The following RPRD2 variants were observed in gnomAD, a reference collection of about 807,000 sequenced individuals.
The protein encoded by RPRD2 is regulation of nuclear pre-mRNA domain containing 2, also known as regulation of nuclear pre-mRNA domain-containing protein 2.
In RPRD2, 12 loss-of-function variants were observed where a neutral mutation model predicts 104.4. The ratio of observed to expected loss-of-function variants is 0.11; its 90% confidence interval spans 0.07 to 0.19. The LOEUF (loss-of-function observed/expected upper bound fraction) is 0.19. RPRD2 is among the 10% of genes least tolerant of loss of function. RPRD2 has a pLI of 1.00. For synonymous variants in RPRD2, 714 were observed against 684.9 expected (o/e 1.04, Z -0.66); for missense variants, 1,543 against 1,790.1 (o/e 0.86, Z 2.49).
chr1:150,468,044 C>G (rs1448396060), intron 10 of RPRD2, among the ~76,000 whole-genome samples: 1 of 151,946 alleles, frequency 6.6e-6, no homozygotes, highest in African/African-American at 2.4e-5. Flanking sequence ...CAGCTGTAAC[C>G]CCAACTACTT....
chr1:150,377,208 C>CAGAAAAAA (rs1660766553), intron 1 of RPRD2, among the ~76,000 whole-genome samples: 2 of 150,576 alleles, frequency 1.3e-5, no homozygotes, highest in South Asian at 4.2e-4. Context: ...AGACTATCTC[C>CAGAAAAAA]AGAAAAAAAA....
Position 150,364,616 on chromosome 1 carries a change from T to A in RPRD2, c.-99T>A. 5 of 630,818 alleles carry A rather than the reference T, an allele frequency of 7.9e-6. No individual in the cohort carries two copies. The highest frequency in any genetic ancestry group is 1.9e-5 in the African/African-American group (1 of 53,912). 39.1% of individuals were successfully genotyped at this position (630,818 alleles called of 1,614,324 possible). A position where few individuals can be genotyped will look rare whatever the true frequency, so the allele number is the denominator to read the frequency against. On this transcript the variant is annotated 5_prime_UTR_variant, in exon 1 of 11. Transcript: ENST00000369068. ...CCACCCCCTAGCTTCCCTCCCCACC[T>A]ACGGCTTTCACGCACTCGCAGTGAT...
At chr1:150,435,196 G>A (rs782786781) in intron 2 of RPRD2, among the ~76,000 whole-genome samples, 5 of 152,086 alleles carry the variant, frequency 3.3e-5, no homozygotes, top group African/African-American at 4.8e-5. Flanking sequence ...GATAAATGTC[G>A]TGTGTTTTCT....
In RPRD2 at chr1:150,364,738, C is replaced by A. The variant is rs1297373082; in HGVS notation, c.24C>A (p.Gly8=). 5.7e-6 allele frequency: 9 copies of A among 1,585,608 alleles called. No individual in the cohort carries two copies. Among genetic ancestry groups the A allele is most frequent in the Non-Finnish European group, 6.0e-6 (7 of 1,165,862 alleles). Residue 8 remains glycine, a synonymous_variant, in exon 1 of 11, where the codon GGC becomes GGA. Transcript: ENST00000369068. The part of the protein sequence containing the change: MAAGGGG[G]SSKASSSSAS... ...AGATGGCGGCCGGCGGCGGCGGAGG[C>A]AGCAGTAAGGCCTCCTCCTCGTCGG...
intron 1 of RPRD2, among the ~76,000 whole-genome samples, chr1:150,388,384 G>GTA (rs1560159377): frequency 6.9e-6 from 1 of 145,560 alleles, no homozygotes; most frequent in African/African-American, 2.6e-5. Context: ...ACATATACAC[G>GTA]TATACACATG....
intron 7 of RPRD2, among the ~76,000 whole-genome samples, chr1:150,453,264 C>G (rs1391065563): frequency 6.6e-6 from 1 of 152,048 alleles, no homozygotes; most frequent in Non-Finnish European, 1.5e-5. Flanking sequence ...AACTCCTGAC[C>G]TCATGATCTG....
rs587691250 is a variant in RPRD2, at chr1:150,428,322, G to A, written c.335+10597G>A. 2.1e-4 allele frequency among the ~76,000 whole-genome samples: 32 copies of A among 151,706 alleles called. No homozygotes were observed. The South Asian group carries it at 5.6e-3, about 27-fold the overall frequency. On this transcript the variant is annotated intron_variant, in intron 2 of 10. Coordinates refer to ENST00000369068, the MANE Select transcript of RPRD2 (RefSeq NM_015203.5). The stretch of plus-strand genomic sequence containing the variant: ...CAAAAAATTAGCTGGGTGTGGTGGC[G>A]GGCGCCTGTAATCCCAGCTACTCGG...
At chr1:150,365,186 G>A (rs587769954) in intron 1 of RPRD2, among the ~76,000 whole-genome samples, 1 of 152,284 alleles carries the variant, frequency 6.6e-6, no homozygotes, top group Admixed American at 6.5e-5. Context: ...TACGTATATT[G>A]TTTTTAATAT....
At chr1:150,462,805 T>A (rs1178663959) in intron 9 of RPRD2, among the ~76,000 whole-genome samples, 2 of 152,182 alleles carry the variant, frequency 1.3e-5, no homozygotes, top group Admixed American at 1.3e-4. Context: ...TCTGCTCGCG[T>A]TGGCCTCCCA....
At chr1:150,449,776 A>G (rs1209338159) in intron 7 of RPRD2, among the ~76,000 whole-genome samples, 2 of 152,024 alleles carry the variant, frequency 1.3e-5, no homozygotes, top group African/African-American at 4.8e-5. Flanking sequence ...TAGATAATTC[A>G]CCCATAACAA....
chr1:150,381,782 A>G (rs587666764), intron 1 of RPRD2, among the ~76,000 whole-genome samples: 6 of 151,972 alleles, frequency 3.9e-5, no homozygotes, highest in East Asian at 1.9e-4. Context: ...GGGATTACAG[A>G]CGTGAGCCAC....
rs1572324161 is a variant in RPRD2 at position 150,364,840 on chromosome 1, A to G, written c.126A>G (p.Gln42=). 3.1e-6 allele frequency: 5 copies of G among 1,613,920 alleles called. No homozygotes were observed. Among genetic ancestry groups the G allele is most frequent in the Middle Eastern group, 1.6e-4 (1 of 6,062 alleles). Residue 42 remains glutamine (Q), a synonymous_variant, in exon 1 of 11, where the codon CAA becomes CAG. Coordinates refer to ENST00000369068, the MANE Select transcript of RPRD2 (RefSeq NM_015203.5). The part of the protein sequence containing the change: ...QSVTNTMESI[Q]GLSSWCIENK... ...TAACCAACACCATGGAGTCCATTCA[A>G]GGCTTGTCGTCTTGGTGTATAGAGA... is the stretch of plus-strand genomic sequence containing the variant.
chr1:150,427,791 T>TG (rs1665258601), intron 2 of RPRD2, among the ~76,000 whole-genome samples: 2 of 152,138 alleles, frequency 1.3e-5, no homozygotes, highest in Non-Finnish European at 2.9e-5. Context: ...ATAGCGAGTC[T>TG]CTGTCCCAAA....
At chr1:150,369,364 C>A (rs1660094533) in intron 1 of RPRD2, among the ~76,000 whole-genome samples, 1 of 150,628 alleles carries the variant, frequency 6.6e-6, no homozygotes, top group Admixed American at 6.6e-5. Context: ...CTCACTGCAA[C>A]CTCCGCCTCC....
chr1:150,429,577 ACTC>A (rs1665413513), intron 2 of RPRD2, among the ~76,000 whole-genome samples: 1 of 152,104 alleles, frequency 6.6e-6, no homozygotes, highest in Non-Finnish European at 1.5e-5. Context: ...CTGGTCTCGA[ACTC>A]CTAGCCTCAA....
chr1:150,463,264 G>A (rs181929216), intron 9 of RPRD2, among the ~76,000 whole-genome samples: 1 of 152,218 alleles, frequency 6.6e-6, no homozygotes, highest in African/African-American at 2.4e-5. Flanking sequence ...TCCAGGACGT[G>A]TAGTTCACTG....
chr1:150,408,229 A>G (rs1314462901), intron 1 of RPRD2, among the ~76,000 whole-genome samples: 4 of 138,532 alleles, frequency 2.9e-5, no homozygotes, highest in African/African-American at 1.2e-4. Context: ...CAATGGCGCA[A>G]TCTTGGTTCA....
intron 2 of RPRD2, among the ~76,000 whole-genome samples, chr1:150,419,323 C>T (rs1664594242): frequency 6.6e-6 from 1 of 151,948 alleles, no homozygotes; most frequent in African/African-American, 2.4e-5. Flanking sequence ...TATCATTGAC[C>T]CATTTGTTAG....
chr1:150,453,557 G>A (rs1299624286), intron 7 of RPRD2, among the ~76,000 whole-genome samples: 3 of 152,160 alleles, frequency 2.0e-5, no homozygotes, highest in Non-Finnish European at 4.4e-5. Context: ...CACAGAGGAA[G>A]GGAAAGAAAT....
Sources: allele counts gnomAD v4.1 joint callset (sites outside exome capture counted in the v4.1 genomes callset), GRCh38; gene constraint gnomAD v4.1.1; transcripts MANE v1.5; gene names NCBI Gene and HGNC (gene_info 2026-07-23, HGNC 2026-07-21).